The following HIBADH variants were observed in gnomAD, a reference collection of about 807,000 sequenced individuals.
HIBADH encodes 3-hydroxyisobutyrate dehydrogenase, also known as 3-hydroxyisobutyrate dehydrogenase, mitochondrial.
Under a neutral mutation model 36.1 loss-of-function variants are expected in HIBADH, and 25 were observed. The ratio of observed to expected loss-of-function variants is 0.69; its 90% CI spans 0.50 to 0.97. The LOEUF (loss-of-function observed/expected upper bound fraction) is 0.97. Among genes scored for constraint, HIBADH ranks in the 50% least tolerant of loss-of-function variants. HIBADH has a pLI of 0.00. For synonymous variants in HIBADH, 160 were observed against 149.5 expected (o/e 1.07, Z -0.51); for missense variants, 421 against 418.0 (o/e 1.01, Z -0.06).
chr7:27,659,186 C>T (rs374492834), intron 1 of HIBADH, among the ~76,000 whole-genome samples: 5 of 152,088 alleles, frequency 3.3e-5, no homozygotes, highest in African/African-American at 1.2e-4. Flanking sequence ...AGGTGGTCAC[C>T]TCAAGATGAT....
At chr7:27,533,562 CACAT>C (rs1315135177) in intron 6 of HIBADH, among the ~76,000 whole-genome samples, 1 of 152,118 alleles carries the variant, frequency 6.6e-6, no homozygotes, top group Non-Finnish European at 1.5e-5. Context: ...CGTTCTCTGG[CACAT>C]ACATAACTGA....
intron 4 of HIBADH, among the ~76,000 whole-genome samples, chr7:27,550,519 ATTTTTC>A (rs1784303646): frequency 6.7e-6 from 1 of 149,822 alleles, no homozygotes; most frequent in African/African-American, 2.4e-5. Flanking sequence ...ATGTGCAATG[ATTTTTC>A]ATGCACCCAT....
At chr7:27,629,014 C>G (rs1024572360) in intron 4 of HIBADH, among the ~76,000 whole-genome samples, 1 of 151,784 alleles carries the variant, frequency 6.6e-6, no homozygotes, top group Non-Finnish European at 1.5e-5. Flanking sequence ...AATTGTTTTT[C>G]TTTTTTTCCC....
At chr7:27,538,235 T>C (rs887033204) in intron 6 of HIBADH, 106 bp downstream of exon 6, 1 of 853,204 alleles carries the variant, frequency 1.2e-6, no homozygotes, top group Non-Finnish European at 1.8e-6. Flanking sequence ...CAAAATGTTC[T>C]TGGATCAACT....
intron 1 of HIBADH, among the ~76,000 whole-genome samples, chr7:27,652,138 G>A (rs562850358): frequency 5.9e-5 from 9 of 152,206 alleles, no homozygotes; most frequent in African/African-American, 2.2e-4. Flanking sequence ...TCTTACAGCT[G>A]AGAACCCTGA....
intron 1 of HIBADH, 32 bp downstream of exon 1, chr7:27,662,666 A>C (rs1362077879): frequency 8.0e-7 from 1 of 1,244,266 alleles, no homozygotes; most frequent in South Asian, 2.8e-5. Context: ...GGCCGAAAGA[A>C]GGACAAGGGG....
At chr7:27,565,748 T>C (rs1784538854) in intron 4 of HIBADH, among the ~76,000 whole-genome samples, 1 of 152,220 alleles carries the variant, frequency 6.6e-6, no homozygotes, top group Admixed American at 6.5e-5. Flanking sequence ...AGTCTTTCAC[T>C]ACAAAGTATA....
chr7:27,612,760 C>A (rs576481656), intron 4 of HIBADH, among the ~76,000 whole-genome samples: 32 of 148,598 alleles, frequency 2.2e-4, no homozygotes, highest in Non-Finnish European at 3.0e-4. Flanking sequence ...ACAGCCAGAC[C>A]CCATCACTAC....
chr7:27,657,147 C>T (rs1786321575), intron 1 of HIBADH, among the ~76,000 whole-genome samples: 1 of 151,814 alleles, frequency 6.6e-6, no homozygotes, highest in Non-Finnish European at 1.5e-5. Context: ...AATCAGCAAA[C>T]TTCTGTGACT....
rs3072901 is a variant in HIBADH at position 27,635,086 on chromosome 7, ATGTGTG to A, written c.253-2647_253-2642del. On this transcript the variant is annotated intron_variant, in intron 2 of 7. Coordinates refer to ENST00000265395, the MANE Select transcript of HIBADH (RefSeq NM_152740.4). ...TCTCTCTTTCTCTCTCTCTCTGTGCATGTGTGTGTGTGTGTGTGTGTGTGTATTTGG... is the reference window on the plus strand; with the variant it reads ...TCTCTCTTTCTCTCTCTCTCTGTGCATGTGTGTGTGTGTGTGTGTATTTGG... 4.6e-3 allele frequency among the ~76,000 whole-genome samples: 693 copies of A among 149,762 alleles called. 3 individuals are homozygous for A. Among genetic ancestry groups the A allele is most frequent in the African/African-American group, 0.015 (628 of 40,680 alleles).
intron 1 of HIBADH, among the ~76,000 whole-genome samples, chr7:27,657,913 C>A (rs749750045): frequency 6.6e-6 from 1 of 152,044 alleles, no homozygotes; most frequent in Non-Finnish European, 1.5e-5. Context: ...GCATATAAAG[C>A]GTTAAACAGT....
intron 6 of HIBADH, among the ~76,000 whole-genome samples, chr7:27,535,485 C>T (rs1784059198): frequency 6.6e-6 from 1 of 152,106 alleles, no homozygotes; most frequent in South Asian, 2.1e-4. Context: ...GAGCCTGGGC[C>T]TGGTTGGCAA....
At chr7:27,600,166 T>C (rs1300823658) in intron 4 of HIBADH, among the ~76,000 whole-genome samples, 1 of 152,188 alleles carries the variant, frequency 6.6e-6, no homozygotes, top group Non-Finnish European at 1.5e-5. Flanking sequence ...AACACTGTCA[T>C]ATGTTCACTT....
rs565544493 is a variant in HIBADH at position 27,599,667 on chromosome 7, G to A, written c.484+29704C>T. Among the ~76,000 whole-genome samples the A allele has an allele frequency of 6.7e-3, 704 of 104,910 alleles. 4 individuals are homozygous for A. The highest frequency in any genetic ancestry group is 0.013 in the African/African-American group (308 of 24,556). 68.8% of individuals were successfully genotyped at this position (104,910 alleles called of 152,430 possible). A position where few individuals can be genotyped will look rare whatever the true frequency, so the allele number is the denominator to read the frequency against. The stretch of plus-strand genomic sequence containing the variant: ...ACTGCACTCCAGCCTGGGTGACAGC[G>A]AGACTCTGTCTCCAAAAAAAAAAAA... On this transcript the variant is annotated intron_variant, in intron 4 of 7. Transcript: ENST00000265395.
chr7:27,587,575 C>T (rs548830492), intron 4 of HIBADH, among the ~76,000 whole-genome samples: 8 of 152,280 alleles, frequency 5.3e-5, no homozygotes, highest in Non-Finnish European at 1.0e-4. Context: ...GCCTTGTCTA[C>T]ATTCTCCCCT....
chr7:27,623,028 A>G (rs1044733397), intron 4 of HIBADH, among the ~76,000 whole-genome samples: 7 of 152,178 alleles, frequency 4.6e-5, no homozygotes, highest in African/African-American at 1.4e-4. Flanking sequence ...ATACTAGCAA[A>G]CAGAATCCAG....
At chr7:27,617,963 G>C (rs555175357) in intron 4 of HIBADH, among the ~76,000 whole-genome samples, 2 of 152,178 alleles carry the variant, frequency 1.3e-5, no homozygotes, top group African/African-American at 2.4e-5. Flanking sequence ...GGTGCAGTGC[G>C]CTGAAAGGCA....
chr7:27,615,147 T>C (rs887237312), intron 4 of HIBADH, among the ~76,000 whole-genome samples: 6 of 152,128 alleles, frequency 3.9e-5, no homozygotes, highest in African/African-American at 1.2e-4. Context: ...AGGGAAGCAG[T>C]TGCCGGGGTA....
chr7:27,578,958 A>G (rs1051680941), intron 4 of HIBADH, among the ~76,000 whole-genome samples: 2 of 152,216 alleles, frequency 1.3e-5, no homozygotes, highest in African/African-American at 4.8e-5. Context: ...AATGAGGAAC[A>G]TTTCATAAAA....
Sources: gnomAD v4.1 joint callset for allele counts (sites outside exome capture counted in the v4.1 genomes callset) on GRCh38, gnomAD v4.1.1 for gene constraint, MANE v1.5 for transcripts, NCBI Gene and HGNC (gene_info 2026-07-23, HGNC 2026-07-21) for gene names.